The following LONP1 variants were observed in gnomAD, a reference collection of about 807,000 sequenced individuals.
LONP1 encodes lon protease homolog, mitochondrial.
In LONP1, 31 loss-of-function variants were observed where a neutral mutation model predicts 98.5. The ratio of observed to expected loss-of-function variants is 0.31; its 90% CI spans 0.24 to 0.42. LONP1 has a LOEUF of 0.42. Ranked by LOEUF, LONP1 falls within the 20% of genes least tolerant of loss-of-function variation. The probability of loss-of-function intolerance (pLI) is 1.00; values close to 1 mark genes in which losing one functional copy is unlikely to be tolerated. For synonymous variants in LONP1, 781 were observed against 594.7 expected, an observed-to-expected ratio of 1.31 and a Z score of -4.56; for missense variants, 1,336 against 1,350.6, an observed-to-expected ratio of 0.99 and a Z score of 0.17.
chr19:5,701,975 C>T (rs1387528898), intron 8 of LONP1, among the ~76,000 whole-genome samples: 44 of 151,518 alleles, frequency 2.9e-4, no homozygotes, highest in Non-Finnish European at 5.6e-4. Flanking sequence ...CGTCTCTGCC[C>T]GGCAGCCCTG....
rs771653890 is a variant in LONP1, at chr19:5,693,763, G to T, written c.2327C>A (p.Ser776Tyr). ...MGLAWTAMGG[S>Y]TLFVETSLRR... is the part of the protein sequence containing the mutation. ...CAGGGATGTCTCCACAAACAGCGTGGAGCCTCCTGAAACAGGTGTGGAGCT... is the reference window on the plus strand; with the variant it reads ...CAGGGATGTCTCCACAAACAGCGTGTAGCCTCCTGAAACAGGTGTGGAGCT... Residue 776 changes from serine to tyrosine, a missense_variant, in exon 16 of 18, where the codon TCC becomes TAC. Physicochemically the swap from Ser to Tyr is moderately radical, Grantham distance 144. Around this residue, in one of 5 missense-constraint regions of LONP1, gnomAD observed 555 missense variants for 542.6 expected, o/e 1.02. Transcript: ENST00000360614. The T allele has an allele frequency of 3.1e-6, 5 of 1,613,388 alleles. No individual in the cohort carries two copies. Among genetic ancestry groups the T allele is most frequent in the Admixed American group, 3.3e-5 (2 of 59,994 alleles).
chr19:5,692,004 TC>T lies in LONP1; in HGVS notation c.*27del. 16 of 1,597,210 alleles carry T rather than the reference TC, an allele frequency of 1.0e-5. No homozygotes were observed. Among genetic ancestry groups the T allele is most frequent in the Non-Finnish European group, 1.4e-5 (16 of 1,170,716 alleles). On this transcript the variant is annotated 3_prime_UTR_variant, in exon 18 of 18. Transcript: ENST00000360614. ...GTTCTGGCCCAGACAGGGCCTGACA[TC>T]CGCCGCCTGCAGTCCCGGGGTGGCC...
intron 10 of LONP1, among the ~76,000 whole-genome samples, chr19:5,698,221 C>T (rs564119743): frequency 6.4e-4 from 97 of 152,208 alleles, no homozygotes; most frequent in African/African-American, 2.2e-3. Context: ...TTGCAGCGGG[C>T]GGGCAGATGC....
In LONP1 at chr19:5,692,028, G is replaced by GC; in HGVS notation, c.*3dup. On this transcript the variant is annotated 3_prime_UTR_variant, in exon 18 of 18. Transcript: ENST00000360614. ...ATCCGCCGCCTGCAGTCCCGGGGTG[G>GC]CCGTCACCGTTCCACGGCCAGCGCC... 8.1e-7 allele frequency: 1 copy of GC among 1,238,832 alleles called. No individual in the cohort carries two copies. The highest frequency in any genetic ancestry group is 1.1e-6 in the Non-Finnish European group (1 of 887,214). 76.7% of individuals were successfully genotyped at this position (1,238,832 alleles called of 1,614,324 possible). A position where few individuals can be genotyped will look rare whatever the true frequency, so the allele number is the denominator to read the frequency against.
At chr19:5,692,799 C>T (rs1599441271) in intron 17 of LONP1, among the ~76,000 whole-genome samples, 1 of 152,138 alleles carries the variant, frequency 6.6e-6, no homozygotes, top group Admixed American at 6.5e-5. Context: ...GCCACTTGAC[C>T]ATGCCTCCCT....
chr19:5,704,285 G>A (rs965028654), intron 8 of LONP1, among the ~76,000 whole-genome samples: 2 of 152,242 alleles, frequency 1.3e-5, no homozygotes, highest in African/African-American at 4.8e-5. Context: ...CCCACAGCGG[G>A]ATCTCAGGGC....
At chr19:5,693,138 G>A (rs1377339371) in intron 17 of LONP1, among the ~76,000 whole-genome samples, 160 bp downstream of exon 17, 3 of 152,194 alleles carry the variant, frequency 2.0e-5, no homozygotes, top group African/African-American at 7.2e-5. Flanking sequence ...GGCAGCTAGG[G>A]CGGTGAGCTT....
chr19:5,706,120 G>C, intron 7 of LONP1, 128 bp from the exon 8 acceptor site: 1 of 651,010 alleles, frequency 1.5e-6, no homozygotes, highest in Non-Finnish European at 2.7e-6. Flanking sequence ...CCCAGAGCAC[G>C]AAGCCTTTGG....
In LONP1 at chr19:5,694,456, A is replaced by C; in HGVS notation, c.2251T>G (p.Phe751Val). The C allele has an allele frequency of 3.1e-6, 5 of 1,613,332 alleles. No individual in the cohort carries two copies. Among genetic ancestry groups the C allele is most frequent in the Non-Finnish European group, 4.2e-6 (5 of 1,179,992 alleles). ...NLQDFVGKPV[F>V]TVERMYDVTP... ...ACGTCATACATGCGCTCCACGGTGA[A>C]CACGGGCTTCCCCACGAAGTCCTGC... Residue 751 changes from phenylalanine to valine, a missense_variant, in exon 15 of 18, where the codon TTC (phenylalanine) becomes GTC (valine). Phe to Val is a conservative substitution (Grantham distance 50). This residue lies in a region of LONP1 where 555 missense variants were observed against 542.6 expected (regional missense o/e 1.02). Coordinates refer to ENST00000360614, the MANE Select transcript of LONP1 (RefSeq NM_004793.4).
At chr19:5,692,294 G>C in intron 17 of LONP1, 86 bp from the exon 18 acceptor site, 1 of 1,357,968 alleles carries the variant, frequency 7.4e-7, no homozygotes. Context: ...GGGCTTCCTG[G>C]GGACCGGCGA....
chr19:5,716,869 C>T (rs1335465670), intron 1 of LONP1, among the ~76,000 whole-genome samples: 2 of 152,202 alleles, frequency 1.3e-5, no homozygotes, highest in Non-Finnish European at 2.9e-5. Context: ...TCTCAGCTCA[C>T]TGCAAGCTCC....
chr19:5,698,800 C>G (rs1324105532), intron 10 of LONP1, among the ~76,000 whole-genome samples: 2 of 152,220 alleles, frequency 1.3e-5, no homozygotes, highest in Admixed American at 1.3e-4. Flanking sequence ...AGTCTCTCTC[C>G]CAGGGGTCAA....
chr19:5,720,369 A>C, upstream of LONP1: 1 of 626,004 alleles, frequency 1.6e-6, no homozygotes, highest in South Asian at 2.4e-5. Flanking sequence ...GAAGGCTGTG[A>C]GCAGGCGCCA....
At chr19:5,701,035 T>G in intron 8 of LONP1, 108 bp from the exon 9 acceptor site, 2 of 1,278,654 alleles carry the variant, frequency 1.6e-6, no homozygotes, top group Non-Finnish European at 2.3e-6. Flanking sequence ...TGTGTGGGGC[T>G]GAGCGCGGTG....
chr19:5,706,991 G>T, intron 7 of LONP1, 69 bp downstream of exon 7: 1 of 1,337,872 alleles, frequency 7.5e-7, no homozygotes, highest in Non-Finnish European at 1.0e-6. Context: ...GTGCTCCAGA[G>T]CCTGACTGAT....
At chr19:5,706,020 C>G in intron 7 of LONP1, 28 bp from the exon 8 acceptor site, 1 of 1,567,528 alleles carries the variant, frequency 6.4e-7, no homozygotes, top group South Asian at 1.1e-5. Context: ...GCCATCAGGC[C>G]CTGGCTCCGG....
In LONP1 at chr19:5,696,038, G is replaced by C. The variant is rs1445062287; in HGVS notation, c.2013+16C>G. On this transcript the variant is annotated intron_variant, in intron 13 of 17. Transcript: ENST00000360614. The stretch of plus-strand genomic sequence containing the variant: ...GCTCTGGGAAGGGGACAGCAGTGGG[G>C]AGGGGCTGGGCTTACCTCCGCAATG... 5 of 1,606,942 alleles carry C rather than the reference G, an allele frequency of 3.1e-6. No homozygotes were observed. Among genetic ancestry groups the C allele is most frequent in the Non-Finnish European group, 4.2e-6 (5 of 1,176,974 alleles).
rs59985153 is a variant in LONP1, at chr19:5,718,699, G to GT, written c.429+1004dup. On this transcript the variant is annotated intron_variant, in intron 1 of 17. Coordinates refer to ENST00000360614, the MANE Select transcript of LONP1 (RefSeq NM_004793.4). ...ATAGATGCCACTTTCCACATCAGTAGTTTTTTTTTTTAAGGGAAGGGGAGC... is the reference window on the plus strand; with the variant it reads ...ATAGATGCCACTTTCCACATCAGTAGTTTTTTTTTTTTAAGGGAAGGGGAGC... Among the ~76,000 whole-genome samples, 500 of 146,570 alleles carry GT rather than the reference G, an allele frequency of 3.4e-3. 2 individuals are homozygous for GT. Among genetic ancestry groups the GT allele is most frequent in the East Asian group, 5.1e-3 (26 of 5,050 alleles).
In LONP1 at chr19:5,692,098, G is replaced by C. The variant is rs765767961; in HGVS notation, c.2814C>G (p.His938Gln). The C allele has an allele frequency of 5.0e-6, 8 of 1,614,054 alleles. No homozygotes were observed. The highest frequency in any genetic ancestry group is 2.7e-5 in the African/African-American group (2 of 74,942). The change falls in exon 18 of 18, where the codon CAC (histidine) becomes CAG (glutamine). Residue 938 changes from histidine to glutamine, a missense_variant. By Grantham distance (24) the His-to-Gln change is conservative. Around this residue, in one of 5 missense-constraint regions of LONP1, gnomAD observed 555 missense variants for 542.6 expected, o/e 1.02. Transcript: ENST00000360614. ...TEGLEVHFVE[H>Q]YREIFDIAFP... is the part of the protein sequence containing the mutation. ...AGGCGATGTCGAAGATCTCCCGGTA[G>C]TGTTCCACGAAGTGCACCTCCAGGC...
Sources: allele counts gnomAD v4.1 joint callset (sites outside exome capture counted in the v4.1 genomes callset), GRCh38; gene constraint gnomAD v4.1.1; regional missense constraint gnomAD v4.1.1; transcripts MANE v1.5; gene names NCBI Gene and HGNC (gene_info 2026-07-23, HGNC 2026-07-21).